NSD2: variants seen among roughly 807,000 people sequenced by gnomAD.
NSD2 encodes the protein nuclear receptor binding SET domain protein 2, also known as histone-lysine N-methyltransferase NSD2.
NSD2 carries 12 observed loss-of-function variants against 139.0 expected under a neutral mutation model. The ratio of observed to expected loss-of-function variants is 0.09; its 90% CI spans 0.06 to 0.14. The LOEUF is 0.14. NSD2 is among the 10% of genes least tolerant of loss of function. The pLI, the probability that NSD2 is intolerant of heterozygous loss-of-function variation, is 1.00. For synonymous variants in NSD2, 669 were observed against 648.7 expected (o/e 1.03, Z -0.48); for missense variants, 1,155 against 1,745.0 (o/e 0.66, Z 6.02).
intron 3 of NSD2, among the ~76,000 whole-genome samples, chr4:1,915,172 G>A (rs1719215035): frequency 7.3e-6 from 1 of 136,338 alleles, no homozygotes; most frequent in Admixed American, 8.0e-5. Flanking sequence ...CTGGAGTGCA[G>A]TGGCGCAGTC....
chr4:1,895,631 C>A (rs1716168370), intron 1 of NSD2, among the ~76,000 whole-genome samples: 1 of 152,170 alleles, frequency 6.6e-6, no homozygotes, highest in Non-Finnish European at 1.5e-5. Flanking sequence ...CCATGCCTGG[C>A]TCCTGGAGGA....
At chr4:1,931,546 C>G (rs958143716) in intron 6 of NSD2, among the ~76,000 whole-genome samples, 3 of 152,066 alleles carry the variant, frequency 2.0e-5, no homozygotes. Flanking sequence ...TACTGTATAT[C>G]TGAAGAGTCA....
rs1430214435 is a variant in NSD2, at chr4:1,973,758, A to ATGTTTATCCCAG, written c.3373-1094_3373-1083dup. Among the ~76,000 whole-genome samples the ATGTTTATCCCAG allele has an allele frequency of 6.6e-6, 1 of 152,212 alleles. No individual in the cohort carries two copies. Among genetic ancestry groups the ATGTTTATCCCAG allele is most frequent in the African/African-American group, 2.4e-5 (1 of 41,460 alleles). ...CCGAAGCCTGCCGCTTCCTGGGACCATGTTTATCCCAGTGTTTATCCCTGT... is the reference window on the plus strand; with the variant it reads ...CCGAAGCCTGCCGCTTCCTGGGACCATGTTTATCCCAGTGTTTATCCCAGTGTTTATCCCTGT... On this transcript the variant is annotated intron_variant, in intron 18 of 21. Transcript: ENST00000508803. This position sits in a 1 kb window ranked among gnomAD's most constrained non-coding sequence, Gnocchi z 5.5.
chr4:1,899,259 C>T (rs372789667), intron 1 of NSD2: 1 of 152,166 alleles, frequency 6.6e-6, no homozygotes, highest in Non-Finnish European at 1.5e-5. Flanking sequence ...TTGCAGACAC[C>T]AGCAGCCCCC....
intron 21 of NSD2, among the ~76,000 whole-genome samples, chr4:1,977,868 C>G (rs780542767): frequency 6.6e-6 from 1 of 151,024 alleles, no homozygotes; most frequent in Non-Finnish European, 1.5e-5. Context: ...GCTCATGCCT[C>G]TAATCCCAGC....
intron 18 of NSD2, among the ~76,000 whole-genome samples, chr4:1,963,454 G>C (rs1725565801): frequency 6.6e-6 from 1 of 152,210 alleles, no homozygotes; most frequent in African/African-American, 2.4e-5. Context: ...AGGAGGGCAG[G>C]GAGGTTATTT....
intron 1 of NSD2, among the ~76,000 whole-genome samples, chr4:1,893,188 A>G (rs1392189528): frequency 6.6e-6 from 1 of 152,134 alleles, no homozygotes; most frequent in African/African-American, 2.4e-5. Context: ...CTCTCAGGCC[A>G]GGCTCGGTGG....
intron 3 of NSD2, among the ~76,000 whole-genome samples, chr4:1,915,743 T>C (rs187104128): frequency 2.0e-4 from 30 of 152,192 alleles, no homozygotes; most frequent in African/African-American, 7.0e-4. Context: ...ATTGGGGGAA[T>C]CTCCAGAAGA....
intron 10 of NSD2, among the ~76,000 whole-genome samples, chr4:1,951,657 C>G (rs181275065): frequency 7.2e-5 from 11 of 152,284 alleles, no homozygotes; most frequent in African/African-American, 2.6e-4. Context: ...CCCAGCCAGG[C>G]CACCTACACT....
chr4:1,944,419 G>A (rs1723411002), intron 9 of NSD2: 2 of 1,065,330 alleles, frequency 1.9e-6, no homozygotes, highest in Non-Finnish European at 2.3e-6. Context: ...CTAGCCTTAA[G>A]ACATTTGAAT....
intron 3 of NSD2, among the ~76,000 whole-genome samples, chr4:1,911,574 C>G (rs1205933761): frequency 8.7e-6 from 1 of 114,882 alleles, no homozygotes; most frequent in Admixed American, 1.3e-4. Context: ...GGCGACAGAG[C>G]GAGACGCCAT....
rs1726702301 is a variant in NSD2, at chr4:1,973,427, G to A, written c.3373-1436G>A. On this transcript the variant is annotated intron_variant, in intron 18 of 21. Transcript: ENST00000508803. This position sits in a 1 kb window ranked among gnomAD's most constrained non-coding sequence, Gnocchi z 5.5. ...CCCCAGGGCCCTGCAGAAGTGGTGTGCATGCCAACGTGCACATCAGCACCG... is the reference window on the plus strand; with the variant it reads ...CCCCAGGGCCCTGCAGAAGTGGTGTACATGCCAACGTGCACATCAGCACCG... Among the ~76,000 whole-genome samples, 1 of 152,236 alleles carries A rather than the reference G, an allele frequency of 6.6e-6. No individual in the cohort carries two copies. The highest frequency in any genetic ancestry group is 2.4e-5 in the African/African-American group (1 of 41,470).
In NSD2 at chr4:1,980,742, T is replaced by C. The variant is rs941597026; in HGVS notation, c.*1833T>C. On this transcript the variant is annotated 3_prime_UTR_variant, in exon 22 of 22. Transcript: ENST00000508803. ...GAGGACCCAGGGGAAACGAGCTGTG[T>C]AGCCACTGACTTGCTCGCGCGGCCG... 4.7e-5 allele frequency: 11 copies of C among 233,102 alleles called. No homozygotes were observed. The highest frequency in any genetic ancestry group is 2.4e-4 in the African/African-American group (11 of 45,332). 14.4% of individuals were successfully genotyped at this position (233,102 alleles called of 1,614,324 possible). A position where few individuals can be genotyped will look rare whatever the true frequency, so the allele number is the denominator to read the frequency against.
intron 10 of NSD2, among the ~76,000 whole-genome samples, chr4:1,951,762 C>T (rs1322803423): frequency 6.6e-6 from 1 of 152,172 alleles, no homozygotes; most frequent in Admixed American, 6.5e-5. Flanking sequence ...TACTGCCTGC[C>T]GTCAGCGTGG....
chr4:1,875,628 T>A (rs1451927349), intron 1 of NSD2, among the ~76,000 whole-genome samples: 1 of 152,044 alleles, frequency 6.6e-6, no homozygotes, highest in Non-Finnish European at 1.5e-5. Flanking sequence ...ATTGGCCGGG[T>A]GCAGTGGCTC....
chr4:1,927,390 G>A (rs17803703), intron 5 of NSD2, among the ~76,000 whole-genome samples: 3,493 of 152,140 alleles, frequency 0.023, 56 homozygotes, highest in Non-Finnish European at 0.036. Context: ...AACATTCTTC[G>A]CTGAATCCTG....
At chr4:1,944,493 C>T in intron 9 of NSD2, 1 of 1,065,798 alleles carries the variant, frequency 9.4e-7, no homozygotes, top group Non-Finnish European at 1.1e-6. Flanking sequence ...ATTTGACTCA[C>T]TTCAGACCAT....
At chr4:1,945,379 G>T (rs1267873012) in intron 9 of NSD2, 5 of 1,063,470 alleles carry the variant, frequency 4.7e-6, no homozygotes, top group Admixed American at 5.4e-5. Context: ...CCCTGGCCTT[G>T]CTTGCCCATG....
In NSD2 at chr4:1,979,008, G is replaced by C. The variant is rs1236689198; in HGVS notation, c.*99G>C. 1 of 1,401,552 alleles carries C rather than the reference G, an allele frequency of 7.1e-7. No homozygotes were observed. Among genetic ancestry groups the C allele is most frequent in the African/African-American group, 1.4e-5 (1 of 69,022 alleles). The allele number at this position is 1,401,552 out of a possible 1,614,324, so 86.8% of individuals were successfully genotyped here. A position where few individuals can be genotyped will look rare whatever the true frequency, so the allele number is the denominator to read the frequency against. On this transcript the variant is annotated 3_prime_UTR_variant, in exon 22 of 22. Transcript: ENST00000508803. ...TGAACTGGCCCGGAGGACCCAGCTC[G>C]AGCCGCCAGGACACAGACGTACAGG...
Sources: allele counts gnomAD v4.1 joint callset (sites outside exome capture counted in the v4.1 genomes callset), GRCh38; gene constraint gnomAD v4.1.1; non-coding constraint Gnocchi (gnomAD v3.1); transcripts MANE v1.5; gene names NCBI Gene and HGNC (gene_info 2026-07-23, HGNC 2026-07-21).